TASOR2: variants seen among roughly 807,000 people sequenced by gnomAD.
The protein encoded by TASOR2 is transcription activation suppressor family member 2.
Under a neutral mutation model 199.5 loss-of-function variants are expected in TASOR2, and 84 were observed. That is an observed-to-expected ratio of 0.42 (90% CI 0.35 to 0.50). TASOR2 has a LOEUF of 0.50. Among genes scored for constraint, TASOR2 ranks in the 20% least tolerant of loss-of-function variants. The probability of loss-of-function intolerance (pLI) is 0.02; values close to 1 mark genes in which losing one functional copy is unlikely to be tolerated. For missense variants in TASOR2, 2,796 were observed against 2,835.9 expected (o/e 0.99, Z 0.32); for synonymous variants, 1,103 against 1,046.6 (o/e 1.05, Z -1.04).
At chr10:5,736,454 A>G (rs1588815408) in intron 12 of TASOR2, among the ~76,000 whole-genome samples, 1 of 150,886 alleles carries the variant, frequency 6.6e-6, no homozygotes, top group Non-Finnish European at 1.5e-5. Context: ...GGGTTTCACC[A>G]TGTTGCCTAG....
At position 5,689,363 on chromosome 10, in the gene TASOR2, T is replaced by G. The variant is rs920795320; in HGVS notation, c.-288+4188T>G. Among the ~76,000 whole-genome samples the G allele has an allele frequency of 6.6e-6, 1 of 152,074 alleles. No individual in the cohort carries two copies. On this transcript the variant is annotated intron_variant, in intron 1 of 20. Transcript: ENST00000328090. The surrounding 1 kb of genome is among the most constrained non-coding windows in gnomAD (Gnocchi z 4.1). The stretch of plus-strand genomic sequence containing the variant: ...ACGCCTGTAATCCCAGCACTTTGGG[T>G]GGCCGAGGTGGGCGGATCAAGAGGT...
chr10:5,691,867 C>T (rs962977977), intron 1 of TASOR2, among the ~76,000 whole-genome samples: 9 of 152,120 alleles, frequency 5.9e-5, no homozygotes, highest in Non-Finnish European at 1.2e-4. Context: ...TTTCCTGAAG[C>T]TATGTGAAGT....
Position 5,740,280 on chromosome 10 carries a change from C to G in TASOR2, c.2110C>G (p.Leu704Val), listed in dbSNP as rs746983921. 1 of 1,614,122 alleles carries G rather than the reference C, an allele frequency of 6.2e-7. No individual in the cohort carries two copies. The highest frequency in any genetic ancestry group is 1.7e-5 in the Admixed American group (1 of 60,004). Residue 704 changes from leucine to valine, a missense_variant, in exon 13 of 21, where the codon CTT becomes GTT. Leu to Val is a conservative substitution (Grantham distance 32). Transcript: ENST00000328090. The surrounding 1 kb of genome is among the most constrained non-coding windows in gnomAD (Gnocchi z 5.3). Reference sequence around the variant, plus strand: ...CATGCCATTTCGGCATCAGCCCGGCCTTTTGCTTCAGCAAAAGCCTCCTGA... The same window carrying G: ...CATGCCATTTCGGCATCAGCCCGGCGTTTTGCTTCAGCAAAAGCCTCCTGA...
chr10:5,720,556 G>A lies in TASOR2; in HGVS notation c.-87G>A. Reference sequence around the variant, plus strand: ...TTTCCTCTTTCAGTATTACTTTTACGAACTTTCAGGCAACACCGTTATTGA... The same window carrying A: ...TTTCCTCTTTCAGTATTACTTTTACAAACTTTCAGGCAACACCGTTATTGA... On this transcript the variant is annotated 5_prime_UTR_variant, in exon 4 of 21. Transcript: ENST00000328090. The surrounding 1 kb of genome is among the most constrained non-coding windows in gnomAD (Gnocchi z 5.3). The A allele has an allele frequency of 1.0e-5, 16 of 1,601,348 alleles. No individual in the cohort carries two copies. Among genetic ancestry groups the A allele is most frequent in the South Asian group, 8.9e-5 (8 of 89,514 alleles).
Position 5,699,735 on chromosome 10 carries a change from A to G in TASOR2, c.-287-13088A>G. 2 of 811,336 alleles carry G rather than the reference A, an allele frequency of 2.5e-6. No homozygotes were observed. Among genetic ancestry groups the G allele is most frequent in the Non-Finnish European group, 3.0e-6 (2 of 671,170 alleles). 50.3% of individuals were successfully genotyped at this position (811,336 alleles called of 1,614,324 possible). ...ATCATAAAAGTAGAAATGAAATTTT[A>G]TGGTAAGTATATTTTACCACAATTT... On this transcript the variant is annotated intron_variant, in intron 1 of 20. Transcript: ENST00000328090. This position sits in a 1 kb window ranked among gnomAD's most constrained non-coding sequence, Gnocchi z 4.1.
exon 16 of TASOR2, chr10:5,756,648 A>G (rs1290438404): frequency 6.2e-7 from 1 of 1,613,566 alleles, no homozygotes; most frequent in Non-Finnish European, 8.5e-7. Context: ...CAGAAATTGA[A>G]CCTCAGCACT....
chr10:5,746,358 G>A, exon 15 of TASOR2: 2 of 1,614,122 alleles, frequency 1.2e-6, no homozygotes, highest in Non-Finnish European at 1.7e-6. Flanking sequence ...CATTCACCAG[G>A]ACTTACGATG....
chr10:5,702,847 A>G (rs1838066953), intron 1 of TASOR2, among the ~76,000 whole-genome samples: 1 of 152,196 alleles, frequency 6.6e-6, no homozygotes, highest in Admixed American at 6.5e-5. Flanking sequence ...CTGGCGCAAC[A>G]TTGAGACATA....
rs1837491516 is a variant in TASOR2, at chr10:5,699,111, T to C, written c.-287-13712T>C. Among the ~76,000 whole-genome samples, 1 of 152,192 alleles carries C rather than the reference T, an allele frequency of 6.6e-6. No individual in the cohort carries two copies. Among genetic ancestry groups the C allele is most frequent in the South Asian group, 2.1e-4 (1 of 4,828 alleles). On this transcript the variant is annotated intron_variant, in intron 1 of 20. Transcript: ENST00000328090. The surrounding 1 kb of genome is among the most constrained non-coding windows in gnomAD (Gnocchi z 4.1). ...CATCAGTTGATGGATAAACAAAATG[T>C]AGTATATCCACAAAGTGGAATATTA...
exon 13 of TASOR2, chr10:5,739,668 C>G (rs1415026841): frequency 1.2e-6 from 2 of 1,613,670 alleles, no homozygotes; most frequent in Non-Finnish European, 1.7e-6. Flanking sequence ...AAGAGGTTGT[C>G]AAGAAGATGG....
intron 1 of TASOR2, among the ~76,000 whole-genome samples, chr10:5,711,683 C>A (rs1465366706): frequency 6.6e-6 from 1 of 152,062 alleles, no homozygotes; most frequent in East Asian, 1.9e-4. Flanking sequence ...AATTAGGAAA[C>A]GTGCCTCTCA....
chr10:5,756,963 G>C (rs189364897), intron 16 of TASOR2, among the ~76,000 whole-genome samples: 1 of 152,306 alleles, frequency 6.6e-6, no homozygotes, highest in East Asian at 1.9e-4. Flanking sequence ...TTAGGTGAGA[G>C]GTTGCTAAAT....
Position 5,714,148 on chromosome 10 carries a change from G to A in TASOR2, c.-192+1230G>A. The A allele has an allele frequency of 4.9e-6, 6 of 1,231,702 alleles. No homozygotes were observed. The highest frequency in any genetic ancestry group is 6.1e-6 in the Non-Finnish European group (6 of 987,760). The allele number at this position is 1,231,702 out of a possible 1,614,324, so 76.3% of individuals were successfully genotyped here. ...TTTTGTTTAAAGGCAAAATTGGTAT[G>A]TCAGTGTGGACTCCGTGTTGGCAGC... is the stretch of plus-strand genomic sequence containing the variant. On this transcript the variant is annotated intron_variant, in intron 2 of 20. It removes an upstream start codon present in the reference 5' UTR. Transcript: ENST00000328090.
chr10:5,706,985 C>T lies in TASOR2; in HGVS notation c.-287-5838C>T, dbSNP rs1194555244. ...GCCACTTACGCTCCAGCCTGGGCCA[C>T]GGAGCAAGACTCCGTCTCAAAAAAA... is the stretch of plus-strand genomic sequence containing the variant. On this transcript the variant is annotated intron_variant, in intron 1 of 20. Coordinates refer to ENST00000328090, the Ensembl canonical transcript of TASOR2. The surrounding 1 kb of genome is among the most constrained non-coding windows in gnomAD (Gnocchi z 4.8). Among the ~76,000 whole-genome samples the T allele has an allele frequency of 7.0e-6, 1 of 142,742 alleles. No individual in the cohort carries two copies. The highest frequency in any genetic ancestry group is 1.5e-5 in the Non-Finnish European group (1 of 66,128). The allele number at this position is 142,742 out of a possible 152,430, so 93.6% of individuals were successfully genotyped here.
rs1837400143 is a variant in TASOR2 at position 5,698,371 on chromosome 10, G to GT, written c.-288+13197dup. Among the ~76,000 whole-genome samples the GT allele has an allele frequency of 6.6e-6, 1 of 152,172 alleles. No homozygotes were observed. The highest frequency in any genetic ancestry group is 2.4e-5 in the African/African-American group (1 of 41,436). On this transcript the variant is annotated intron_variant, in intron 1 of 20. Coordinates refer to ENST00000328090, the Ensembl canonical transcript of TASOR2. The surrounding 1 kb of genome is among the most constrained non-coding windows in gnomAD (Gnocchi z 4.4). The stretch of plus-strand genomic sequence containing the variant: ...AGATGTGAGTGATAAAAAAATGATT[G>GT]TGGTTGTAAGCCAGTGAACTTCAGG...
At chr10:5,707,388 G>T (rs1028910260) in intron 1 of TASOR2, among the ~76,000 whole-genome samples, 1 of 152,070 alleles carries the variant, frequency 6.6e-6, no homozygotes, top group Non-Finnish European at 1.5e-5. Flanking sequence ...ATCAGTTCAG[G>T]GATCTAGTTT....
Position 5,747,875 on chromosome 10 carries a change from A to G in TASOR2, c.4454A>G (p.Asp1485Gly), listed in dbSNP as rs1296697613. The G allele has an allele frequency of 4.1e-5, 66 of 1,613,688 alleles. No individual in the cohort carries two copies. The highest frequency in any genetic ancestry group is 5.3e-5 in the Non-Finnish European group (62 of 1,180,038). Residue 1485 changes from aspartate to glycine, a missense_variant, in exon 15 of 21, where the codon GAT (aspartate) becomes GGT (glycine). Physicochemically the swap from Asp to Gly is moderately conservative, Grantham distance 94 (BLOSUM62 -1). Around this residue, in one of 3 missense-constraint regions of TASOR2, gnomAD observed 1,941 missense variants for 1,924.9 expected, o/e 1.01. Transcript: ENST00000328090. ...GCCGAAATGCCTCTAATATTAACTGATCATCCAGGAAGAACAGGTAGACCA... is the reference window on the plus strand; with the variant it reads ...GCCGAAATGCCTCTAATATTAACTGGTCATCCAGGAAGAACAGGTAGACCA...
chr10:5,707,564 T>G (rs538478231), intron 1 of TASOR2, among the ~76,000 whole-genome samples: 21 of 152,200 alleles, frequency 1.4e-4, no homozygotes, highest in African/African-American at 5.1e-4. Context: ...TGGCCAGAAC[T>G]GAGTCACATG....
At chr10:5,697,532 G>A (rs1837308602) in intron 1 of TASOR2, among the ~76,000 whole-genome samples, 2 of 152,156 alleles carry the variant, frequency 1.3e-5, no homozygotes, top group South Asian at 2.1e-4. Context: ...TGGGGCATGG[G>A]GGAGGCAGAG....
Sources: gnomAD v4.1 joint callset for allele counts (sites outside exome capture counted in the v4.1 genomes callset) on GRCh38, gnomAD v4.1.1 for gene constraint, gnomAD v4.1.1 regional missense constraint, Gnocchi (gnomAD v3.1) non-coding constraint, MANE v1.5 for transcripts, NCBI Gene and HGNC (gene_info 2026-07-23, HGNC 2026-07-21) for gene names.